Variants in KANK1 observed in about 807,000 individuals in gnomAD.
The protein encoded by KANK1 is KN motif and ankyrin repeat domains 1, also known as KN motif and ankyrin repeat domain-containing protein 1.
In KANK1, 109 loss-of-function variants were observed where a neutral mutation model predicts 106.2. The ratio of observed to expected loss-of-function variants is 1.03; its 90% confidence interval spans 0.88 to 1.20. The LOEUF is 1.20. Among genes scored for constraint, KANK1 ranks in the 50% most tolerant of loss-of-function variants. KANK1 has a pLI of 0.00. For synonymous variants in KANK1, 873 were observed against 652.2 expected (o/e 1.34, Z -5.16); for missense variants, 2,399 against 1,710.7 (o/e 1.40, Z -7.10).
Position 710,877 on chromosome 9 carries a change from T to C in KANK1, c.111T>C (p.Tyr37=), listed in dbSNP as rs2130896254. ...ACCCTTACTTTGTGGAGACCCCCTA[T>C]GGTTATCAACTAGACTTAGATTTCC... is the stretch of plus-strand genomic sequence containing the variant. ...QKDPYFVETP[Y]GYQLDLDFLK... Residue 37 remains tyrosine (Y), a synonymous_variant, in exon 3 of 12, where the codon TAT becomes TAC. Coordinates refer to ENST00000382297, the MANE Select transcript of KANK1 (RefSeq NM_015158.5). 2 of 1,614,064 alleles carry C rather than the reference T, an allele frequency of 1.2e-6. No homozygotes were observed.
At chr9:705,012 AAAAAAG>A (rs1265851301) in intron 2 of KANK1, among the ~76,000 whole-genome samples, 6 of 150,742 alleles carry the variant, frequency 4.0e-5, no homozygotes, top group South Asian at 4.2e-4. Context: ...AAAAAAAAAA[AAAAAAG>A]AGCAATACCC....
intron 3 of KANK1, among the ~76,000 whole-genome samples, chr9:491,275 C>G (rs2131780): frequency 9.8e-5 from 14 of 143,438 alleles, no homozygotes; most frequent in Middle Eastern, 7.5e-3. Flanking sequence ...AGTGCATTTT[C>G]TTTTTTTTTT....
chr9:603,714 G>A (rs995866268), intron 1 of KANK1, among the ~76,000 whole-genome samples: 1 of 151,816 alleles, frequency 6.6e-6, no homozygotes, highest in South Asian at 2.1e-4. Flanking sequence ...CCAGGACTTT[G>A]GGAGGTCGAG....
chr9:677,798 T>C (rs1449615512), intron 2 of KANK1, among the ~76,000 whole-genome samples: 3 of 152,192 alleles, frequency 2.0e-5, no homozygotes, highest in African/African-American at 7.2e-5. Context: ...CACCTTCAAA[T>C]GACAACATTA....
intron 1 of KANK1, among the ~76,000 whole-genome samples, chr9:569,666 G>T (rs1818684243): frequency 6.6e-6 from 1 of 152,152 alleles, no homozygotes; most frequent in African/African-American, 2.4e-5. Flanking sequence ...GAGACAATAC[G>T]TATATTCTAA....
At chr9:629,335 G>A (rs550925164) in intron 1 of KANK1, among the ~76,000 whole-genome samples, 3 of 152,132 alleles carry the variant, frequency 2.0e-5, no homozygotes, top group Non-Finnish European at 4.4e-5. Context: ...AGTGGGTCAC[G>A]AGTCACTCTC....
chr9:651,141 G>A (rs1019996853), intron 1 of KANK1, among the ~76,000 whole-genome samples: 2 of 152,178 alleles, frequency 1.3e-5, no homozygotes, highest in Non-Finnish European at 2.9e-5. Flanking sequence ...AATTGTTAAA[G>A]CATAGCGACT....
intron 1 of KANK1, among the ~76,000 whole-genome samples, chr9:661,277 C>T (rs1843247055): frequency 6.9e-6 from 1 of 144,320 alleles, no homozygotes; most frequent in Non-Finnish European, 1.5e-5. Flanking sequence ...CTCCTCTCTT[C>T]CCCCTCCCCA....
chr9:508,121 CTTTTTTTTT>C (rs71314711), intron 1 of KANK1, among the ~76,000 whole-genome samples: 10 of 39,190 alleles, frequency 2.6e-4, no homozygotes, highest in South Asian at 1.6e-3. Flanking sequence ...CCTGCTCAGC[CTTTTTTTTT>C]TTTTTTTTTT....
At chr9:562,084 C>T (rs1387369762) in intron 1 of KANK1, among the ~76,000 whole-genome samples, 8 of 116,908 alleles carry the variant, frequency 6.8e-5, no homozygotes, top group Non-Finnish European at 1.1e-4. Context: ...CTCGCTCTGT[C>T]GCCCAGGCCG....
In KANK1 at chr9:744,533, A is replaced by AAGG. The variant is rs1392479034; in HGVS notation, c.3942_3944dup (p.Lys1314_Asp1315insGlu). On this transcript the variant is annotated inframe_insertion, in exon 11 of 12. Coordinates refer to ENST00000382297, the MANE Select transcript of KANK1 (RefSeq NM_015158.5). Reference sequence around the variant, plus strand: ...CTCAATCGCCCTGGAAGCAGGACACAAGGACATCGCTGTTCTTCTGTATGC... The same window carrying AAGG: ...CTCAATCGCCCTGGAAGCAGGACACAAGGAGGACATCGCTGTTCTTCTGTATGC... 1 of 1,614,050 alleles carries AAGG rather than the reference A, an allele frequency of 6.2e-7. No individual in the cohort carries two copies. The highest frequency in any genetic ancestry group is 8.5e-7 in the Non-Finnish European group (1 of 1,180,018).
chr9:683,639 A>G (rs964642779), intron 2 of KANK1, among the ~76,000 whole-genome samples: 1 of 152,250 alleles, frequency 6.6e-6, no homozygotes, highest in African/African-American at 2.4e-5. Flanking sequence ...TGTAGTTCAG[A>G]AAACTGCATA....
chr9:576,595 G>A (rs1820623264), intron 1 of KANK1, among the ~76,000 whole-genome samples: 1 of 152,296 alleles, frequency 6.6e-6, no homozygotes, highest in East Asian at 1.9e-4. Context: ...TTCTTTCACT[G>A]GCAATCACGG....
intron 1 of KANK1, among the ~76,000 whole-genome samples, chr9:576,003 A>T (rs1305793595): frequency 1.3e-5 from 2 of 152,380 alleles, no homozygotes; most frequent in Admixed American, 1.3e-4. Context: ...AGCGTAGGCA[A>T]CAGAGTGCAA....
intron 2 of KANK1, among the ~76,000 whole-genome samples, chr9:687,187 TACA>T (rs1215961734): frequency 6.6e-6 from 1 of 152,166 alleles, no homozygotes. Context: ...TTTGGCAGAA[TACA>T]TCTTTGCCAT....
intron 1 of KANK1, among the ~76,000 whole-genome samples, chr9:621,257 A>G (rs1026855774): frequency 1.3e-5 from 2 of 152,200 alleles, no homozygotes; most frequent in Non-Finnish European, 1.5e-5. Flanking sequence ...AAGTAAATTA[A>G]TAATTTTGAG....
chr9:609,419 G>T (rs1830071584), intron 1 of KANK1, among the ~76,000 whole-genome samples: 1 of 152,156 alleles, frequency 6.6e-6, no homozygotes, highest in African/African-American at 2.4e-5. Flanking sequence ...CCTGAGGTCA[G>T]GAGTTCAAAA....
At chr9:666,271 A>T (rs1209652699) in intron 1 of KANK1, among the ~76,000 whole-genome samples, 1 of 151,896 alleles carries the variant, frequency 6.6e-6, no homozygotes, top group Non-Finnish European at 1.5e-5. Context: ...ATTGTTCACT[A>T]TTGGTATATA....
Position 504,704 on chromosome 9 carries a change from G to C in KANK1, c.-134G>C, listed in dbSNP as rs1564132240. 6.6e-6 allele frequency: 1 copy of C among 151,106 alleles called. No individual in the cohort carries two copies. The highest frequency in any genetic ancestry group is 2.1e-4 in the South Asian group (1 of 4,828). 9.4% of individuals were successfully genotyped at this position (151,106 alleles called of 1,614,324 possible). On this transcript the variant is annotated 5_prime_UTR_variant, in exon 1 of 12. Coordinates refer to ENST00000382297, the MANE Select transcript of KANK1 (RefSeq NM_015158.5). ...CGCCCCGCCCTTCCCCGAGCTCCGGGTCCGCGGCGGAGCGAGCGAGCGGCC... is the reference window on the plus strand; with the variant it reads ...CGCCCCGCCCTTCCCCGAGCTCCGGCTCCGCGGCGGAGCGAGCGAGCGGCC...
Sources: gnomAD v4.1 joint callset for allele counts (sites outside exome capture counted in the v4.1 genomes callset) on GRCh38, gnomAD v4.1.1 for gene constraint, MANE v1.5 for transcripts, NCBI Gene and HGNC (gene_info 2026-07-23, HGNC 2026-07-21) for gene names.